Variants in MACROD2 observed in about 807,000 individuals in gnomAD.
MACROD2 encodes the protein mono-ADP ribosylhydrolase 2.
In MACROD2, 36 loss-of-function variants were observed where a neutral mutation model predicts 70.4. The ratio of observed to expected loss-of-function variants is 0.51; its 90% CI spans 0.39 to 0.68. The LOEUF is 0.68. Among genes scored for constraint, MACROD2 ranks in the 30% least tolerant of loss-of-function variants. The pLI, the probability that MACROD2 is intolerant of heterozygous loss-of-function variation, is 0.00. For synonymous variants in MACROD2, 172 were observed against 178.8 expected (o/e 0.96, Z 0.30); for missense variants, 496 against 538.4 (o/e 0.92, Z 0.78).
intron 5 of MACROD2, among the ~76,000 whole-genome samples, chr20:15,006,456 T>A (rs1403879309): frequency 6.6e-6 from 1 of 152,022 alleles, no homozygotes; most frequent in Non-Finnish European, 1.5e-5. Context: ...TAATACATTA[T>A]ATACTTAAAA....
intron 4 of MACROD2, among the ~76,000 whole-genome samples, chr20:14,671,733 G>A (rs2070797397): frequency 1.3e-5 from 2 of 152,192 alleles, no homozygotes; most frequent in African/African-American, 4.8e-5. Context: ...TTCATAACAA[G>A]TTATTTTTTA....
chr20:14,724,502 GA>G (rs2071505600), intron 5 of MACROD2, among the ~76,000 whole-genome samples: 1 of 152,160 alleles, frequency 6.6e-6, no homozygotes, highest in South Asian at 2.1e-4. Flanking sequence ...AAATGTGCAT[GA>G]AAAAGCAGTA....
Position 14,200,974 on chromosome 20 carries a change from T to G in MACROD2, c.271+115246T>G, listed in dbSNP as rs536277509. On this transcript the variant is annotated intron_variant, in intron 3 of 17. Transcript: ENST00000684519. ...TTTTTTTTTTTTTAGCGATTTGTCT[T>G]TTTTTGGACTATTCCTTTTTACCTA... 2.0e-5 allele frequency among the ~76,000 whole-genome samples: 3 copies of G among 152,104 alleles called. No homozygotes were observed. In the South Asian group the frequency reaches 6.2e-4, roughly 32 times the overall value.
chr20:15,146,685 A>G (rs2076232666), intron 5 of MACROD2, among the ~76,000 whole-genome samples: 1 of 152,164 alleles, frequency 6.6e-6, no homozygotes, highest in African/African-American at 2.4e-5. Context: ...TTATATGACG[A>G]ACTTCATCTG....
chr20:14,665,011 G>C (rs567726243), intron 4 of MACROD2, among the ~76,000 whole-genome samples: 4 of 152,106 alleles, frequency 2.6e-5, no homozygotes, highest in Admixed American at 6.6e-5. Flanking sequence ...ATTTCAACTA[G>C]TTGGCAGATT....
At chr20:15,075,737 C>T (rs2075652395) in intron 5 of MACROD2, among the ~76,000 whole-genome samples, 1 of 152,120 alleles carries the variant, frequency 6.6e-6, no homozygotes, top group African/African-American at 2.4e-5. Flanking sequence ...CTGAATCAAG[C>T]TCTGGTAAGA....
intron 6 of MACROD2, among the ~76,000 whole-genome samples, chr20:15,345,165 C>T (rs532084161): frequency 3.9e-5 from 6 of 152,232 alleles, no homozygotes; most frequent in Non-Finnish European, 5.9e-5. Flanking sequence ...CGAAAGGGCC[C>T]GCCTTCTAAT....
At chr20:14,998,476 A>G (rs531822344) in intron 5 of MACROD2, among the ~76,000 whole-genome samples, 7 of 152,290 alleles carry the variant, frequency 4.6e-5, no homozygotes, top group South Asian at 2.1e-4. Context: ...AATTCAACCA[A>G]TATACCAAAG....
chr20:14,240,584 T>C (rs2081920256), intron 3 of MACROD2, among the ~76,000 whole-genome samples: 1 of 152,022 alleles, frequency 6.6e-6, no homozygotes, highest in Non-Finnish European at 1.5e-5. Flanking sequence ...CAAAGTAACA[T>C]AGGAACAGAA....
chr20:15,079,601 T>C (rs1386003841), intron 5 of MACROD2, among the ~76,000 whole-genome samples: 1 of 151,884 alleles, frequency 6.6e-6, no homozygotes, highest in East Asian at 1.9e-4. Context: ...CATTCACACC[T>C]CCCTGGCATG....
chr20:15,700,634 T>G (rs2050443810), intron 8 of MACROD2, among the ~76,000 whole-genome samples: 1 of 152,178 alleles, frequency 6.6e-6, no homozygotes, highest in African/African-American at 2.4e-5. Flanking sequence ...CTTGGCCAAG[T>G]TAATTAACTG....
intron 15 of MACROD2, among the ~76,000 whole-genome samples, chr20:16,009,414 G>A (rs546502806): frequency 1.1e-4 from 17 of 152,234 alleles, no homozygotes; most frequent in Non-Finnish European, 1.9e-4. Flanking sequence ...TCCCTGTCTT[G>A]GGGTTTTCTT....
At chr20:15,333,526 G>T (rs2078016018) in intron 6 of MACROD2, among the ~76,000 whole-genome samples, 1 of 151,576 alleles carries the variant, frequency 6.6e-6, no homozygotes, top group Non-Finnish European at 1.5e-5. Flanking sequence ...GCTGGAAGAA[G>T]AGTTTCAGGT....
At chr20:14,413,019 A>G (rs902739265) in intron 3 of MACROD2, among the ~76,000 whole-genome samples, 1 of 152,162 alleles carries the variant, frequency 6.6e-6, no homozygotes, top group Non-Finnish European at 1.5e-5. Flanking sequence ...CCAGTGGCAG[A>G]GTCTCAGGCC....
intron 5 of MACROD2, among the ~76,000 whole-genome samples, chr20:15,225,437 C>G (rs372009659): frequency 2.6e-5 from 4 of 152,188 alleles, no homozygotes; most frequent in African/African-American, 9.6e-5. Flanking sequence ...AAAATAAAAG[C>G]AGTGAAAAGT....
intron 5 of MACROD2, among the ~76,000 whole-genome samples, chr20:15,028,648 C>T (rs932338206): frequency 1.3e-5 from 2 of 152,042 alleles, no homozygotes; most frequent in Non-Finnish European, 2.9e-5. Flanking sequence ...AATGGAAACC[C>T]CTACCTCCCT....
intron 3 of MACROD2, among the ~76,000 whole-genome samples, chr20:14,461,906 G>T (rs929064867): frequency 2.6e-5 from 4 of 152,006 alleles, no homozygotes; most frequent in African/African-American, 4.8e-5. Flanking sequence ...ATTTGGGTTG[G>T]TTCCAAGTCT....
chr20:14,584,329 A>T (rs1981232798), intron 4 of MACROD2, among the ~76,000 whole-genome samples: 1 of 152,214 alleles, frequency 6.6e-6, no homozygotes, highest in Non-Finnish European at 1.5e-5. Flanking sequence ...AAAATATAGT[A>T]AATGTGGGCT....
At chr20:14,418,752 C>A (rs1266559034) in intron 3 of MACROD2, among the ~76,000 whole-genome samples, 2 of 152,258 alleles carry the variant, frequency 1.3e-5, no homozygotes, top group South Asian at 4.1e-4. Context: ...AACTGAAATT[C>A]TTTCAGAAGA....
Sources: gnomAD v4.1 joint callset for allele counts (sites outside exome capture counted in the v4.1 genomes callset) on GRCh38, gnomAD v4.1.1 for gene constraint, MANE v1.5 for transcripts, NCBI Gene and HGNC (gene_info 2026-07-23, HGNC 2026-07-21) for gene names.